DPH6: variants seen among roughly 807,000 people sequenced by gnomAD.
DPH6 encodes the protein diphthamine biosynthesis 6.
A neutral mutation model predicts 38.2 loss-of-function variants in DPH6; 33 were observed. That is an observed-to-expected ratio of 0.86 (90% CI 0.65 to 1.15). DPH6 has a LOEUF of 1.15. DPH6 is among the 50% of genes most tolerant of loss of function. The probability of loss-of-function intolerance (pLI) is 0.00; values close to 1 mark genes in which losing one functional copy is unlikely to be tolerated. For synonymous variants in DPH6, 108 were observed against 103.0 expected (o/e 1.05, Z -0.30); for missense variants, 325 against 320.0 (o/e 1.02, Z -0.12).
At chr15:35,456,371 T>G (rs1010436945) in intron 3 of DPH6, among the ~76,000 whole-genome samples, 20 of 151,200 alleles carry the variant, frequency 1.3e-4, no homozygotes, top group Non-Finnish European at 2.5e-4. Context: ...ATATTATAGA[T>G]GTATAGGAGT....
rs867195336 is a variant in DPH6, at chr15:35,450,728, T to C, written c.462A>G (p.Ile154Met). 5.0e-6 allele frequency: 8 copies of C among 1,613,302 alleles called. No homozygotes were observed. Among genetic ancestry groups the C allele is most frequent in the African/African-American group, 2.7e-5 (2 of 74,898 alleles). ...RNQEDLLREMISSNIQAMIIK... is the reference protein window; with the variant it reads ...RNQEDLLREMMSSNIQAMIIK... ...TGATCATTGCTTGAATGTTAGATGA[T>C]ATCATCTCTCTGAGCAAATCTTCCT... is the stretch of plus-strand genomic sequence containing the variant. Residue 154 changes from isoleucine (I) to methionine (M), a missense_variant, in exon 5 of 9, where the codon ATA (isoleucine) becomes ATG (methionine). Coordinates refer to ENST00000256538, the MANE Select transcript of DPH6 (RefSeq NM_080650.4).
intron 6 of DPH6, among the ~76,000 whole-genome samples, chr15:35,390,692 T>C (rs1275519408): frequency 1.3e-5 from 2 of 152,364 alleles, no homozygotes; most frequent in South Asian, 2.1e-4. Context: ...TTCAGCTCCA[T>C]CAGGTCCTTT....
Position 35,426,115 on chromosome 15 carries a change from C to CT in DPH6, c.506-15220dup, listed in dbSNP as rs71417004. On this transcript the variant is annotated intron_variant, in intron 5 of 8. Coordinates refer to ENST00000256538, the MANE Select transcript of DPH6 (RefSeq NM_080650.4). ...CAGTACTCGAAATTTGTATTTAACTCTTTTTTTTTCTTAAGTTGAAAATGG... is the reference window on the plus strand; with the variant it reads ...CAGTACTCGAAATTTGTATTTAACTCTTTTTTTTTTCTTAAGTTGAAAATGG... Among the ~76,000 whole-genome samples the CT allele has an allele frequency of 2.7e-3, 411 of 150,380 alleles. 4 individuals are homozygous for CT. The highest frequency in any genetic ancestry group is 2.7e-3 in the Non-Finnish European group (180 of 67,168).
intron 3 of DPH6, among the ~76,000 whole-genome samples, chr15:35,230,612 T>C (rs558031913): frequency 2.6e-5 from 4 of 152,288 alleles, no homozygotes; most frequent in African/African-American, 7.2e-5. Context: ...GGGAATGTGC[T>C]GAGTCTCCCA....
chr15:35,331,932 A>G (rs1296936868), intron 3 of DPH6, among the ~76,000 whole-genome samples: 1 of 152,160 alleles, frequency 6.6e-6, no homozygotes, highest in African/African-American at 2.4e-5. Context: ...AAGAATGGAG[A>G]AATGTATGCC....
chr15:35,451,793 G>A (rs943795027), intron 4 of DPH6, among the ~76,000 whole-genome samples: 2 of 152,238 alleles, frequency 1.3e-5, no homozygotes, highest in East Asian at 1.9e-4. Flanking sequence ...GGTGGATCAC[G>A]AGGTCAGGAA....
At chr15:35,450,435 G>T (rs1595375987) in intron 5 of DPH6, among the ~76,000 whole-genome samples, 1 of 138,462 alleles carries the variant, frequency 7.2e-6, no homozygotes. Context: ...TACAATATCA[G>T]TTTTAGAACC....
At chr15:35,437,008 G>C (rs1386752246) in intron 5 of DPH6, among the ~76,000 whole-genome samples, 3 of 149,922 alleles carry the variant, frequency 2.0e-5, no homozygotes, top group Non-Finnish European at 4.4e-5. Context: ...AGGGGAGACA[G>C]GGTGTACGTG....
At chr15:35,200,934 T>C in the DPH6 span, among the ~76,000 whole-genome samples, 1 of 147,830 alleles carries the variant, frequency 6.8e-6, no homozygotes, top group East Asian at 2.0e-4. Context: ...ATTATAAAAA[T>C]ATATAAAAAA....
At chr15:35,457,233 G>A (rs1269767877) in intron 3 of DPH6, among the ~76,000 whole-genome samples, 1 of 152,120 alleles carries the variant, frequency 6.6e-6, no homozygotes, top group Non-Finnish European at 1.5e-5. Context: ...GGGATGACAA[G>A]CTTGAGCCAT....
rs1180094812 is a variant in DPH6 at position 35,496,555 on chromosome 15, C to CA, written c.312+41718dup. 1.1e-3 allele frequency among the ~76,000 whole-genome samples: 53 copies of CA among 49,256 alleles called. 3 individuals are homozygous for CA. Among genetic ancestry groups the CA allele is most frequent in the Non-Finnish European group, 1.2e-3 (38 of 31,602 alleles). The allele number at this position is 49,256 out of a possible 152,430, so 32.3% of individuals were successfully genotyped here. On this transcript the variant is annotated intron_variant, in intron 3 of 8. Coordinates refer to ENST00000256538, the MANE Select transcript of DPH6 (RefSeq NM_080650.4). ...AGGCAACAAGACGAAAGTTCCATCT[C>CA]AAAAAAAAAAAAATATATATATATA...
intron 6 of DPH6, among the ~76,000 whole-genome samples, chr15:35,391,783 C>T (rs558719938): frequency 1.9e-4 from 29 of 152,308 alleles, no homozygotes; most frequent in South Asian, 4.1e-4. Flanking sequence ...TGACCCCTTG[C>T]GCTTCCCAGG....
intron 6 of DPH6, among the ~76,000 whole-genome samples, chr15:35,386,545 T>G (rs2052961670): frequency 6.6e-6 from 1 of 152,188 alleles, no homozygotes; most frequent in African/African-American, 2.4e-5. Context: ...TTCTAACTGG[T>G]GTGAGATGGT....
intron 3 of DPH6, among the ~76,000 whole-genome samples, chr15:35,255,959 C>G (rs2051705375): frequency 6.6e-6 from 1 of 151,844 alleles, no homozygotes; most frequent in South Asian, 2.1e-4. Context: ...ATAAAATTGA[C>G]TTATAAATAA....
rs1400938531 is a variant in DPH6, at chr15:35,356,445, G to A, written n.207+17076C>T. On this transcript the variant is annotated intron_variant and non_coding_transcript_variant, in intron 3 of 3. Coordinates refer to the DPH6 transcript ENST00000558973. The stretch of plus-strand genomic sequence containing the variant: ...ACCTTTGGTCTTTGATGATGGTGAC[G>A]TACAGATGGGTTTTTGGTGTGGATG... 5.9e-5 allele frequency among the ~76,000 whole-genome samples: 9 copies of A among 152,262 alleles called. No homozygotes were observed. In the East Asian group the frequency reaches 1.2e-3, roughly 20 times the overall value.
intron 3 of DPH6, among the ~76,000 whole-genome samples, chr15:35,252,124 A>G (rs2051679187): frequency 6.6e-6 from 1 of 152,166 alleles, no homozygotes; most frequent in South Asian, 2.1e-4. Flanking sequence ...TCCATCTCAA[A>G]ATCAATCAAT....
At chr15:35,502,787 T>A (rs1391434456) in intron 3 of DPH6, among the ~76,000 whole-genome samples, 6 of 151,340 alleles carry the variant, frequency 4.0e-5, no homozygotes. Flanking sequence ...TTGTTTTCAA[T>A]TCATTTAAGT....
At chr15:35,173,860 AG>A in the DPH6 span, among the ~76,000 whole-genome samples, 1 of 152,162 alleles carries the variant, frequency 6.6e-6, no homozygotes. Context: ...TTACTGGGGA[AG>A]TCTTTGCTGA....
At chr15:35,294,441 G>T (rs1456453735) in intron 3 of DPH6, among the ~76,000 whole-genome samples, 1 of 152,174 alleles carries the variant, frequency 6.6e-6, no homozygotes, top group African/African-American at 2.4e-5. Context: ...TTCAAGATCA[G>T]TTGGTTCATG....
Sources: gnomAD v4.1 joint callset for allele counts (sites outside exome capture counted in the v4.1 genomes callset) on GRCh38, gnomAD v4.1.1 for gene constraint, MANE v1.5 for transcripts, NCBI Gene and HGNC (gene_info 2026-07-23, HGNC 2026-07-21) for gene names.